Variants in EIF4G3 observed in about 807,000 individuals in gnomAD.
The protein encoded by EIF4G3 is eIF-4-gamma 3.
In EIF4G3, 34 loss-of-function variants were observed where a neutral mutation model predicts 186.4. The ratio of observed to expected loss-of-function variants is 0.18; its 90% CI spans 0.14 to 0.24. The LOEUF is 0.24. Among genes scored for constraint, EIF4G3 ranks in the 10% least tolerant of loss-of-function variants. The pLI is 1.00. For missense variants in EIF4G3, 1,536 were observed against 1,948.5 expected (o/e 0.79, Z 3.99); for synonymous variants, 673 against 679.5 (o/e 0.99, Z 0.15).
At chr1:21,001,831 T>C (rs950893142) in intron 5 of EIF4G3, among the ~76,000 whole-genome samples, 3 of 152,190 alleles carry the variant, frequency 2.0e-5, no homozygotes, top group Non-Finnish European at 2.9e-5. Context: ...ATTTAAACAA[T>C]TGTAAGTTCA....
chr1:20,835,755 T>C (rs929986898), intron 30 of EIF4G3, among the ~76,000 whole-genome samples: 26 of 151,974 alleles, frequency 1.7e-4, no homozygotes, highest in African/African-American at 5.1e-4. Flanking sequence ...CTGGGCAACA[T>C]AGTGAGACAC....
At chr1:21,158,216 C>A (rs1464215925) in intron 2 of EIF4G3, among the ~76,000 whole-genome samples, 11 of 144,774 alleles carry the variant, frequency 7.6e-5, no homozygotes, top group African/African-American at 2.9e-4. Flanking sequence ...CACTCTGTCA[C>A]CCAGGCTGGA....
At chr1:20,997,692 C>T in intron 6 of EIF4G3, 59 bp from the exon 7 acceptor site, 1 of 1,367,266 alleles carries the variant, frequency 7.3e-7, no homozygotes, top group Non-Finnish European at 9.8e-7. Flanking sequence ...AGAAACACCA[C>T]AACAAAAACC....
At chr1:20,948,178 T>C (rs10799673) in intron 13 of EIF4G3, among the ~76,000 whole-genome samples, 1 of 151,964 alleles carries the variant, frequency 6.6e-6, no homozygotes, top group African/African-American at 2.4e-5. Flanking sequence ...TGCAATGAAG[T>C]TTTGAAGGGA....
intron 3 of EIF4G3, among the ~76,000 whole-genome samples, chr1:21,053,501 G>A (rs1237917947): frequency 6.1e-5 from 9 of 148,230 alleles, no homozygotes; most frequent in Non-Finnish European, 1.4e-4. Context: ...TGGGAAGTGA[G>A]GAGTCCCTCT....
chr1:21,080,471 T>A (rs1259399367), intron 3 of EIF4G3, among the ~76,000 whole-genome samples: 1 of 152,062 alleles, frequency 6.6e-6, no homozygotes, highest in Non-Finnish European at 1.5e-5. Context: ...AGCTATTTAT[T>A]AAGAAGTAAT....
At chr1:20,960,714 G>A (rs1183935945) in intron 12 of EIF4G3, among the ~76,000 whole-genome samples, 1 of 152,062 alleles carries the variant, frequency 6.6e-6, no homozygotes, top group South Asian at 2.1e-4. Flanking sequence ...AGCTGTGACT[G>A]TGTCACAGCA....
At chr1:20,892,440 C>T (rs935547620) in intron 18 of EIF4G3, among the ~76,000 whole-genome samples, 3 of 152,236 alleles carry the variant, frequency 2.0e-5, no homozygotes, top group African/African-American at 7.2e-5. Context: ...ACTTCCACCG[C>T]TGAAAGAGCC....
At chr1:20,858,423 A>C (rs774467588) in intron 24 of EIF4G3, among the ~76,000 whole-genome samples, 28 of 152,016 alleles carry the variant, frequency 1.8e-4, no homozygotes, top group Non-Finnish European at 3.5e-4. Context: ...CCAGATTTCC[A>C]CATGATTTAA....
chr1:21,008,063 T>A (rs2085795135), intron 4 of EIF4G3, among the ~76,000 whole-genome samples: 1 of 152,116 alleles, frequency 6.6e-6, no homozygotes, highest in Non-Finnish European at 1.5e-5. Flanking sequence ...GACTGGAGGA[T>A]CACTTGACCC....
At chr1:21,090,342 C>T (rs1032847274) in intron 2 of EIF4G3, among the ~76,000 whole-genome samples, 4 of 152,164 alleles carry the variant, frequency 2.6e-5, no homozygotes, top group Non-Finnish European at 5.9e-5. Flanking sequence ...TCACTACATA[C>T]ATGCTACAAC....
intron 21 of EIF4G3, 122 bp from the exon 22 acceptor site, chr1:20,864,834 C>A: frequency 1.0e-6 from 1 of 952,864 alleles, no homozygotes; most frequent in South Asian, 1.6e-5. Flanking sequence ...ATCTACTGCT[C>A]AGAAAACTGA....
intron 4 of EIF4G3, among the ~76,000 whole-genome samples, chr1:21,006,456 G>C (rs891282420): frequency 5.3e-5 from 8 of 152,152 alleles, no homozygotes; most frequent in African/African-American, 1.9e-4. Context: ...TGAACATACA[G>C]AATTTACTCT....
At position 21,001,295 on chromosome 1, in the gene EIF4G3, T is replaced by C. The variant is rs1227397200; in HGVS notation, c.48A>G (p.Pro16=). The C allele has an allele frequency of 2.1e-6, 1 of 471,316 alleles. No individual in the cohort carries two copies. 29.2% of individuals were successfully genotyped at this position (471,316 alleles called of 1,614,324 possible). ...QTRSPPSRTV[P]IHCTDNWKRR... ...TCTTCCAGTTGTCTGTGCAATGTAT[T>C]GGCACTGTTCTGCTGGGCTGTCAAA... Residue 16 remains proline, a synonymous_variant, in exon 6 of 37, where the codon CCA becomes CCG. Coordinates refer to ENST00000602326, the MANE Select transcript of EIF4G3 (RefSeq NM_001391906.1).
At chr1:20,961,593 G>C (rs1049684619) in intron 12 of EIF4G3, among the ~76,000 whole-genome samples, 5 of 152,160 alleles carry the variant, frequency 3.3e-5, no homozygotes, top group African/African-American at 1.2e-4. Context: ...CCAAACACTA[G>C]ATCTTATTTC....
intron 7 of EIF4G3, 130 bp downstream of exon 7, chr1:20,997,471 C>T: frequency 1.1e-6 from 1 of 898,492 alleles, no homozygotes; most frequent in Non-Finnish European, 1.8e-6. Context: ...TGAATTATAT[C>T]AGATAAAAGC....
intron 13 of EIF4G3, among the ~76,000 whole-genome samples, chr1:20,948,307 G>A (rs1050236270): frequency 3.9e-5 from 6 of 152,108 alleles, no homozygotes; most frequent in Admixed American, 1.3e-4. Flanking sequence ...CTGTAATTTC[G>A]CAAGGTAAAT....
intron 20 of EIF4G3, among the ~76,000 whole-genome samples, chr1:20,871,029 A>G (rs548568831): frequency 6.6e-6 from 1 of 152,344 alleles, no homozygotes; most frequent in South Asian, 2.1e-4. Flanking sequence ...TGAATCCATT[A>G]TATCAATTTC....
chr1:20,894,261 T>G (rs1353722417), intron 17 of EIF4G3, among the ~76,000 whole-genome samples: 1 of 152,088 alleles, frequency 6.6e-6, no homozygotes, highest in Non-Finnish European at 1.5e-5. Flanking sequence ...GTGGCCAAAG[T>G]CATAAACAGA....
Sources: allele counts gnomAD v4.1 joint callset (sites outside exome capture counted in the v4.1 genomes callset), GRCh38; gene constraint gnomAD v4.1.1; transcripts MANE v1.5; gene names NCBI Gene and HGNC (gene_info 2026-07-23, HGNC 2026-07-21).